KSR2: variants seen among roughly 807,000 people sequenced by gnomAD.
KSR2 encodes kinase suppressor of ras 2.
KSR2 carries 25 observed loss-of-function variants against 107.8 expected under a neutral mutation model. The ratio of observed to expected loss-of-function variants is 0.23; its 90% CI spans 0.17 to 0.32. The LOEUF (loss-of-function observed/expected upper bound fraction) is 0.32. Ranked by LOEUF, KSR2 falls within the 10% of genes least tolerant of loss-of-function variation. KSR2 has a pLI of 1.00. For missense variants in KSR2, 887 were observed against 1,268.9 expected (o/e 0.70, Z 4.57); for synonymous variants, 480 against 507.0 (o/e 0.95, Z 0.71).
chr12:117,478,642 G>A (rs996785804), intron 16 of KSR2, among the ~76,000 whole-genome samples: 4 of 151,878 alleles, frequency 2.6e-5, no homozygotes. Flanking sequence ...CTTGCTATGT[G>A]ATCTTGCTAT....
intron 5 of KSR2, among the ~76,000 whole-genome samples, chr12:117,596,382 A>G (rs1270917088): frequency 6.6e-6 from 1 of 152,054 alleles, no homozygotes. Flanking sequence ...GGAAGCTACA[A>G]TTCAAGATGA....
At chr12:117,476,110 A>C (rs1871757920) in intron 17 of KSR2, among the ~76,000 whole-genome samples, 1 of 152,262 alleles carries the variant, frequency 6.6e-6, no homozygotes, top group African/African-American at 2.4e-5. Flanking sequence ...TCAGTGGCTA[A>C]GTTTTGGGGT....
intron 5 of KSR2, among the ~76,000 whole-genome samples, chr12:117,584,086 T>C (rs537448051): frequency 2.6e-5 from 4 of 152,248 alleles, no homozygotes; most frequent in African/African-American, 7.2e-5. Flanking sequence ...TGGGATCCTT[T>C]ATGAGAGAGC....
intron 9 of KSR2, among the ~76,000 whole-genome samples, chr12:117,544,693 A>G (rs746015323): frequency 2.6e-5 from 4 of 151,892 alleles, no homozygotes; most frequent in Non-Finnish European, 5.9e-5. Context: ...TTCACTAATT[A>G]GTTCTAAGAA....
intron 1 of KSR2, among the ~76,000 whole-genome samples, chr12:117,922,149 A>C (rs1453128142): frequency 6.6e-6 from 1 of 152,218 alleles, no homozygotes; most frequent in African/African-American, 2.4e-5. Context: ...GCTGTTAATC[A>C]TACCCAGAAG....
At chr12:117,788,312 T>G (rs569081544) in intron 3 of KSR2, among the ~76,000 whole-genome samples, 41 of 152,318 alleles carry the variant, frequency 2.7e-4, no homozygotes, top group Middle Eastern at 3.4e-3. Flanking sequence ...AGAAGGTAAC[T>G]TCAAATTGTC....
intron 4 of KSR2, among the ~76,000 whole-genome samples, chr12:117,722,869 TGA>T (rs932843469): frequency 6.6e-6 from 1 of 152,168 alleles, no homozygotes; most frequent in African/African-American, 2.4e-5. Context: ...ATGGAAGTAG[TGA>T]GTCAGAGGAG....
intron 5 of KSR2, among the ~76,000 whole-genome samples, chr12:117,614,878 T>C (rs1254390168): frequency 1.3e-5 from 2 of 152,196 alleles, no homozygotes; most frequent in East Asian, 1.9e-4. Context: ...CTGGAAAGAA[T>C]TGCTCCCTGT....
At chr12:117,733,554 A>G (rs1274255990) in intron 4 of KSR2, among the ~76,000 whole-genome samples, 2 of 152,152 alleles carry the variant, frequency 1.3e-5, no homozygotes, top group South Asian at 2.1e-4. Flanking sequence ...TGCTCATAAC[A>G]ACAGAGCTGA....
chr12:117,709,553 C>T lies in KSR2; in HGVS notation c.987-41895G>A, dbSNP rs145767215. On this transcript the variant is annotated intron_variant, in intron 4 of 19. Transcript: ENST00000339824. ...TGCTCGGCCTGCTCAGAAGGCCTCA[C>T]GGGATCCTTCTGCTTCCACCTCCCA... Among the ~76,000 whole-genome samples, 252 of 152,254 alleles carry T rather than the reference C, an allele frequency of 1.7e-3. 1 individual carries two copies. Among genetic ancestry groups the T allele is most frequent in the Non-Finnish European group, 4.7e-4 (32 of 68,020 alleles).
intron 1 of KSR2, among the ~76,000 whole-genome samples, chr12:117,883,292 T>C (rs1894081869): frequency 6.6e-6 from 1 of 152,198 alleles, no homozygotes; most frequent in African/African-American, 2.4e-5. Flanking sequence ...TTATTAATAA[T>C]AAAAAACAGT....
At chr12:117,793,986 A>T (rs1349444940) in intron 3 of KSR2, among the ~76,000 whole-genome samples, 1 of 109,148 alleles carries the variant, frequency 9.2e-6, no homozygotes, top group African/African-American at 3.9e-5. Flanking sequence ...CCATGCACAC[A>T]TACACCAACA....
At chr12:117,781,362 G>A (rs370481431) in intron 3 of KSR2, among the ~76,000 whole-genome samples, 11 of 152,214 alleles carry the variant, frequency 7.2e-5, no homozygotes, top group African/African-American at 2.4e-4. Context: ...AAAGAAAGAG[G>A]GACAAGTGTC....
chr12:117,534,105 G>T (rs762282241), intron 10 of KSR2, among the ~76,000 whole-genome samples: 13 of 151,912 alleles, frequency 8.6e-5, no homozygotes, highest in Non-Finnish European at 1.3e-4. Context: ...GGCTGCAGAT[G>T]AAGTCAAAGA....
chr12:117,840,827 C>T (rs1017474549), intron 3 of KSR2, among the ~76,000 whole-genome samples: 2 of 151,892 alleles, frequency 1.3e-5, no homozygotes, highest in Non-Finnish European at 2.9e-5. Flanking sequence ...ATGGTGAAAC[C>T]CCGTCTCTAC....
chr12:117,515,574 T>C (rs764731652), intron 14 of KSR2, among the ~76,000 whole-genome samples: 3 of 152,266 alleles, frequency 2.0e-5, no homozygotes, highest in Non-Finnish European at 4.4e-5. Flanking sequence ...AAAAAGTAAG[T>C]GAGCAAACAT....
At chr12:117,870,034 C>T (rs1411700422) in intron 1 of KSR2, among the ~76,000 whole-genome samples, 2 of 152,304 alleles carry the variant, frequency 1.3e-5, no homozygotes, top group South Asian at 4.1e-4. Flanking sequence ...ATGGGAGCAC[C>T]AGGGTGTGAT....
chr12:117,556,696 C>T (rs192702685), intron 8 of KSR2, among the ~76,000 whole-genome samples: 86 of 151,974 alleles, frequency 5.7e-4, no homozygotes, highest in African/African-American at 1.8e-3. Flanking sequence ...CCAGGGGAGA[C>T]GGGGGTGGGC....
chr12:117,541,943 T>C (rs1876523047), intron 9 of KSR2, among the ~76,000 whole-genome samples: 1 of 152,158 alleles, frequency 6.6e-6, no homozygotes, highest in African/African-American at 2.4e-5. Context: ...TGGAGGGTAA[T>C]GGCACAATCA....
Sources: allele counts gnomAD v4.1 joint callset (sites outside exome capture counted in the v4.1 genomes callset), GRCh38; gene constraint gnomAD v4.1.1; transcripts MANE v1.5; gene names NCBI Gene and HGNC (gene_info 2026-07-23, HGNC 2026-07-21).